Variants in ARMH3 observed in about 807,000 individuals in gnomAD.
The protein encoded by ARMH3 is armadillo-like helical domain-containing protein 3.
In ARMH3, 60 loss-of-function variants were observed where a neutral mutation model predicts 99.1. That is an observed-to-expected ratio of 0.61 (90% CI 0.49 to 0.75). The LOEUF is 0.75. Among genes scored for constraint, ARMH3 ranks in the 30% least tolerant of loss-of-function variants. ARMH3 has a pLI of 0.00. For synonymous variants in ARMH3, 285 were observed against 292.8 expected (o/e 0.97, Z 0.27); for missense variants, 679 against 843.1 (o/e 0.81, Z 2.41).
At chr10:101,900,464 C>G (rs975214369) in intron 23 of ARMH3, among the ~76,000 whole-genome samples, 1 of 152,090 alleles carries the variant, frequency 6.6e-6, no homozygotes, top group Non-Finnish European at 1.5e-5. Flanking sequence ...GCTCAAAACC[C>G]CCAAAACTGA....
At chr10:101,875,899 G>A (rs919794522) in intron 24 of ARMH3, among the ~76,000 whole-genome samples, 1 of 152,060 alleles carries the variant, frequency 6.6e-6, no homozygotes, top group African/African-American at 2.4e-5. Flanking sequence ...GCACAAGCAA[G>A]GCATCCAATC....
intron 12 of ARMH3, 102 bp downstream of exon 12, chr10:102,009,875 T>C: frequency 1.7e-6 from 2 of 1,143,780 alleles, no homozygotes; most frequent in Non-Finnish European, 2.5e-6. Context: ...AAAAGTATGA[T>C]TCTGTAAAAG....
At chr10:102,029,928 G>T (rs1397925399) in intron 4 of ARMH3, among the ~76,000 whole-genome samples, 183 bp from the exon 5 acceptor site, 13 of 142,160 alleles carry the variant, frequency 9.1e-5, no homozygotes, top group South Asian at 2.2e-4. Context: ...TTGTTTGTTT[G>T]TTTTTTTTTT....
chr10:102,039,946 G>C (rs1329483972), intron 2 of ARMH3, 67 bp downstream of exon 2: 1 of 1,412,948 alleles, frequency 7.1e-7, no homozygotes, highest in East Asian at 2.3e-5. Context: ...CAGAGGTAAG[G>C]GTATTTCTCA....
At chr10:102,029,187 C>A (rs1029345603) in intron 5 of ARMH3, among the ~76,000 whole-genome samples, 2 of 152,118 alleles carry the variant, frequency 1.3e-5, no homozygotes, top group African/African-American at 4.8e-5. Context: ...ATTGTACAAT[C>A]TAAAAGGGTG....
At chr10:101,983,446 T>C (rs1846320269) in intron 19 of ARMH3, among the ~76,000 whole-genome samples, 1 of 152,088 alleles carries the variant, frequency 6.6e-6, no homozygotes, top group African/African-American at 2.4e-5. Context: ...CACACCTAAC[T>C]AATTTTTGTA....
chr10:102,004,711 G>A (rs1461512133), intron 14 of ARMH3, among the ~76,000 whole-genome samples: 5 of 152,022 alleles, frequency 3.3e-5, no homozygotes, highest in Admixed American at 3.3e-4. Context: ...ATTTCCATTG[G>A]GTTATTCTGT....
intron 22 of ARMH3, among the ~76,000 whole-genome samples, chr10:101,947,359 G>T (rs1195956991): frequency 1.3e-5 from 2 of 152,036 alleles, no homozygotes; most frequent in African/African-American, 4.8e-5. Flanking sequence ...ATCCAGCTGG[G>T]TGCAGTGGCT....
intron 23 of ARMH3, among the ~76,000 whole-genome samples, chr10:101,896,369 C>A (rs893090736): frequency 1.3e-5 from 2 of 152,140 alleles, no homozygotes; most frequent in African/African-American, 4.8e-5. Flanking sequence ...CCAGAATATG[C>A]AAATTTGTAG....
chr10:102,008,740 T>A (rs12415078), intron 13 of ARMH3, among the ~76,000 whole-genome samples: 4 of 151,718 alleles, frequency 2.6e-5, no homozygotes, highest in African/African-American at 4.8e-5. Context: ...ATTTTTTTTT[T>A]ATTTTTAGAA....
At chr10:101,918,032 A>G (rs542227512) in intron 23 of ARMH3, among the ~76,000 whole-genome samples, 144 of 151,950 alleles carry the variant, frequency 9.5e-4, no homozygotes, top group Non-Finnish European at 1.6e-3. Flanking sequence ...CCAGTATATC[A>G]TGGGGTTTTT....
chr10:101,889,558 G>A, intron 23 of ARMH3, 68 bp from the exon 24 acceptor site: 1 of 1,396,978 alleles, frequency 7.2e-7, no homozygotes, highest in Non-Finnish European at 1.0e-6. Flanking sequence ...TAAAAAATAA[G>A]GATCAAGTAC....
intron 23 of ARMH3, 156 bp from the exon 24 acceptor site, chr10:101,889,646 A>C: frequency 1.5e-6 from 1 of 688,872 alleles, no homozygotes. Context: ...GGTAGTCACA[A>C]ATGGGGGTGA....
rs1194412423 is a variant in ARMH3 at position 102,010,014 on chromosome 10, T to C, written c.841A>G (p.Met281Val). 2 of 1,613,852 alleles carry C rather than the reference T, an allele frequency of 1.2e-6. No individual in the cohort carries two copies. Among genetic ancestry groups the C allele is most frequent in the East Asian group, 2.2e-5 (1 of 44,890 alleles). Residue 281 changes from methionine to valine, a missense_variant, in exon 12 of 26, where the codon ATG becomes GTG. Met to Val is a conservative substitution (Grantham distance 21). Transcript: ENST00000370033. Reference sequence around the variant, plus strand: ...TTCTCATGGGCATCTGCTATGAACATGCTGCCCACCTGTGGAAGAAAAGGG... The same window carrying C: ...TTCTCATGGGCATCTGCTATGAACACGCTGCCCACCTGTGGAAGAAAAGGG... Reference protein sequence around the residue: ...FSALTNMVGSMFIADAHEKIS... With the variant: ...FSALTNMVGSVFIADAHEKIS...
chr10:101,930,120 A>T (rs1196788884), intron 23 of ARMH3, among the ~76,000 whole-genome samples: 1 of 152,196 alleles, frequency 6.6e-6, no homozygotes, highest in South Asian at 2.1e-4. Flanking sequence ...ATTATACACC[A>T]TGACCAAGTA....
chr10:101,941,584 C>A (rs372024970), intron 22 of ARMH3, among the ~76,000 whole-genome samples: 1 of 152,180 alleles, frequency 6.6e-6, no homozygotes, highest in Admixed American at 6.5e-5. Flanking sequence ...TCTGTTCCAG[C>A]AATGTCTCAC....
chr10:101,993,850 C>T (rs1449179356), intron 16 of ARMH3, among the ~76,000 whole-genome samples: 1 of 152,188 alleles, frequency 6.6e-6, no homozygotes, highest in Non-Finnish European at 1.5e-5. Context: ...AATTAAGACG[C>T]AGGGACTTAA....
chr10:102,053,238 A>AAG (rs1174165256), intron 1 of ARMH3, among the ~76,000 whole-genome samples: 71 of 150,184 alleles, frequency 4.7e-4, no homozygotes, highest in African/African-American at 1.7e-3. Context: ...AAAAAAAAAA[A>AAG]AGAGAAAAAA....
intron 14 of ARMH3, 136 bp from the exon 15 acceptor site, chr10:102,002,208 C>T (rs2066376983): frequency 7.6e-7 from 1 of 1,312,892 alleles, no homozygotes; most frequent in Non-Finnish European, 1.0e-6. Flanking sequence ...ACCAAGTGCT[C>T]ATCACAAAAC....
Sources: gnomAD v4.1 joint callset for allele counts (sites outside exome capture counted in the v4.1 genomes callset) on GRCh38, gnomAD v4.1.1 for gene constraint, MANE v1.5 for transcripts, NCBI Gene and HGNC (gene_info 2026-07-23, HGNC 2026-07-21) for gene names.